EIF3H: variants seen among roughly 807,000 people sequenced by gnomAD.
EIF3H encodes the protein eIF-3-gamma.
Under a neutral mutation model 44.2 loss-of-function variants are expected in EIF3H, and 26 were observed. The observed-to-expected ratio is 0.59, with a 90% CI of 0.43 to 0.82. The LOEUF is 0.82. EIF3H is among the 40% of genes least tolerant of loss of function. The probability of loss-of-function intolerance (pLI) is 0.00; values close to 1 mark genes in which losing one functional copy is unlikely to be tolerated. For missense variants in EIF3H, 359 were observed against 432.8 expected (o/e 0.83, Z 1.51); for synonymous variants, 166 against 151.9 (o/e 1.09, Z -0.68).
intron 1 of EIF3H, among the ~76,000 whole-genome samples, chr8:116,747,739 G>A (rs781099429): frequency 3.9e-5 from 6 of 152,114 alleles, no homozygotes; most frequent in Non-Finnish European, 7.4e-5. Context: ...AAATTCATAA[G>A]AGTATCACAA....
intron 2 of EIF3H, among the ~76,000 whole-genome samples, chr8:116,705,794 T>A (rs916763264): frequency 3.3e-5 from 5 of 152,090 alleles, no homozygotes; most frequent in African/African-American, 1.2e-4. Context: ...GAAATCCAGA[T>A]AAAGTTAACA....
chr8:116,729,091 C>T (rs1814907928), intron 1 of EIF3H, among the ~76,000 whole-genome samples: 1 of 152,122 alleles, frequency 6.6e-6, no homozygotes, highest in African/African-American at 2.4e-5. Flanking sequence ...ACACAACTAC[C>T]AATTCACCTA....
At chr8:116,651,491 T>G (rs1483522943) in intron 5 of EIF3H, among the ~76,000 whole-genome samples, 4 of 152,230 alleles carry the variant, frequency 2.6e-5, no homozygotes, top group Non-Finnish European at 5.9e-5. Flanking sequence ...TTTGGCTCTT[T>G]CTCAAATAAT....
chr8:116,726,110 T>C lies in EIF3H; in HGVS notation c.195A>G (p.Gly65=). The change falls in exon 2 of 8, where the codon GGA becomes GGG. Residue 65 remains glycine, a synonymous_variant. Transcript: ENST00000521861. Reference sequence around the variant, plus strand: ...CTTCTACAACCAGACCCAAAAGCACTCCTTGAACAACTTCAGTTCCTTGTC... The same window carrying C: ...CTTCTACAACCAGACCCAAAAGCACCCCTTGAACAACTTCAGTTCCTTGTC... The part of the protein sequence containing the change: ...EEGQGTEVVQ[G]VLLGLVVEDR... 4 of 1,614,084 alleles carry C rather than the reference T, an allele frequency of 2.5e-6. No homozygotes were observed. Among genetic ancestry groups the C allele is most frequent in the Non-Finnish European group, 3.4e-6 (4 of 1,179,980 alleles).
chr8:116,752,305 G>C (rs910109036), intron 1 of EIF3H, among the ~76,000 whole-genome samples: 1 of 152,164 alleles, frequency 6.6e-6, no homozygotes, highest in Non-Finnish European at 1.5e-5. Context: ...GAGCACTGAA[G>C]TGCTCTTTCT....
chr8:116,657,986 A>C (rs1329541165), intron 3 of EIF3H, among the ~76,000 whole-genome samples: 1 of 152,232 alleles, frequency 6.6e-6, no homozygotes, highest in Non-Finnish European at 1.5e-5. Context: ...CTGAAACTTA[A>C]CACAGTGAAA....
intron 2 of EIF3H, among the ~76,000 whole-genome samples, chr8:116,665,447 A>G (rs1270928753): frequency 6.6e-6 from 1 of 152,226 alleles, no homozygotes; most frequent in African/African-American, 2.4e-5. Flanking sequence ...CTATACAGGT[A>G]TATAGATGGA....
chr8:116,723,682 TAA>T (rs1814790092), intron 2 of EIF3H, among the ~76,000 whole-genome samples: 1 of 152,166 alleles, frequency 6.6e-6, no homozygotes, highest in Admixed American at 6.5e-5. Flanking sequence ...TGTGATCAGT[TAA>T]AAGTCATATC....
intron 2 of EIF3H, among the ~76,000 whole-genome samples, chr8:116,676,265 G>A (rs1268393733): frequency 2.6e-5 from 4 of 152,180 alleles, no homozygotes; most frequent in Non-Finnish European, 5.9e-5. Context: ...GGAAGAACAC[G>A]TAGTAGTCTG....
At chr8:116,755,066 A>C (rs1336448983) in intron 1 of EIF3H, among the ~76,000 whole-genome samples, 1 of 152,230 alleles carries the variant, frequency 6.6e-6, no homozygotes, top group Non-Finnish European at 1.5e-5. Context: ...TTTCCTTATC[A>C]AGAATTTCCT....
chr8:116,714,926 G>C (rs749155572), intron 2 of EIF3H, among the ~76,000 whole-genome samples: 8 of 152,068 alleles, frequency 5.3e-5, no homozygotes, highest in Admixed American at 3.9e-4. Context: ...AGTAACCACA[G>C]ACTAGGTTTC....
chr8:116,737,152 A>G (rs1391038394), intron 1 of EIF3H: 3 of 355,052 alleles, frequency 8.4e-6, no homozygotes, highest in Non-Finnish European at 1.6e-5. Context: ...TCTATATCAA[A>G]AAGCATACTT....
chr8:116,697,398 A>G (rs1288794631), intron 2 of EIF3H, among the ~76,000 whole-genome samples: 1 of 152,166 alleles, frequency 6.6e-6, no homozygotes, highest in Non-Finnish European at 1.5e-5. Flanking sequence ...GGTGCTGACA[A>G]ACTTGCTTGC....
chr8:116,675,707 T>C (rs1037770902), intron 2 of EIF3H, among the ~76,000 whole-genome samples: 3 of 152,244 alleles, frequency 2.0e-5, no homozygotes, highest in African/African-American at 7.2e-5. Context: ...GAGGGGATTA[T>C]AACACAAGGA....
At chr8:116,736,337 G>A (rs1271390269) in intron 1 of EIF3H, among the ~76,000 whole-genome samples, 2 of 152,140 alleles carry the variant, frequency 1.3e-5, no homozygotes, top group East Asian at 1.9e-4. Flanking sequence ...ATTGTTTATA[G>A]TTACTAAAGT....
chr8:116,755,737 C>A lies in EIF3H; in HGVS notation c.61G>T (p.Ala21Ser), dbSNP rs761321250. ...CCTTTGCCTTTGCCTTTCCCTGCTGCGCCGGCGGTGGAGCTGGAAGAGGTG... is the reference window on the plus strand; with the variant it reads ...CCTTTGCCTTTGCCTTTCCCTGCTGAGCCGGCGGTGGAGCTGGAAGAGGTG... ...TATSSSSTAG[A>S]AGKGKGKGGS... The change falls in exon 1 of 8, where the codon GCA (alanine) becomes TCA (serine). Residue 21 changes from alanine to serine, a missense_variant. Physicochemically the swap from Ala to Ser is moderately conservative, Grantham distance 99 (BLOSUM62 1). Around this residue, in one of 5 missense-constraint regions of EIF3H, gnomAD observed 59 missense variants for 33.5 expected, o/e 1.76. Coordinates refer to ENST00000521861, the MANE Select transcript of EIF3H (RefSeq NM_003756.3). 6.2e-7 allele frequency: 1 copy of A among 1,614,154 alleles called. No individual in the cohort carries two copies. Among genetic ancestry groups the A allele is most frequent in the South Asian group, 1.1e-5 (1 of 91,082 alleles).
intron 2 of EIF3H, among the ~76,000 whole-genome samples, chr8:116,659,265 C>G (rs535556544): frequency 6.6e-6 from 1 of 152,050 alleles, no homozygotes. Context: ...TTAAATGTGG[C>G]GTCTAACTCC....
Position 116,752,736 on chromosome 8 carries a change from A to AAAGAAAGAAGG in EIF3H, c.132+2929_132+2930insCCTTCTTTCTT, listed in dbSNP as rs1435243692. Among the ~76,000 whole-genome samples the AAAGAAAGAAGG allele has an allele frequency of 5.9e-3, 516 of 87,098 alleles. 11 individuals carry two copies. The highest frequency in any genetic ancestry group is 0.012 in the East Asian group (30 of 2,448). 57.1% of individuals were successfully genotyped at this position (87,098 alleles called of 152,430 possible). A position where few individuals can be genotyped will look rare whatever the true frequency, so the allele number is the denominator to read the frequency against. On this transcript the variant is annotated intron_variant, in intron 1 of 7. Transcript: ENST00000521861. ...AGAAAGAAAGAAAGAAAGAAAGAAG[A>AAAGAAAGAAGG]GAAAGAAAGAAAGAAAGAGGGAGGG...
chr8:116,750,595 G>A (rs543057212), intron 1 of EIF3H, among the ~76,000 whole-genome samples: 8 of 151,834 alleles, frequency 5.3e-5, no homozygotes, highest in African/African-American at 1.5e-4. Context: ...ATTTTTAGTA[G>A]AGACAGGGTT....
Sources: allele counts gnomAD v4.1 joint callset (sites outside exome capture counted in the v4.1 genomes callset), GRCh38; gene constraint gnomAD v4.1.1; regional missense constraint gnomAD v4.1.1; transcripts MANE v1.5; gene names NCBI Gene and HGNC (gene_info 2026-07-23, HGNC 2026-07-21).